HECW1: variants seen among roughly 807,000 people sequenced by gnomAD.
The protein encoded by HECW1 is HECT, C2 and WW domain containing E3 ubiquitin protein ligase 1.
Under a neutral mutation model 182.3 loss-of-function variants are expected in HECW1, and 61 were observed. The ratio of observed to expected loss-of-function variants is 0.33; its 90% CI spans 0.27 to 0.41. The LOEUF (loss-of-function observed/expected upper bound fraction) is 0.41, where lower values mean the gene tolerates loss of function less well. Ranked by LOEUF, HECW1 falls within the 10% of genes least tolerant of loss-of-function variation. The pLI is 1.00. For missense variants in HECW1, 1,739 were observed against 2,108.9 expected, an observed-to-expected ratio of 0.82 and a Z score of 3.44; for synonymous variants, 859 against 832.6, an observed-to-expected ratio of 1.03 and a Z score of -0.55.
chr7:43,265,339 A>G (rs1255377705), intron 3 of HECW1, among the ~76,000 whole-genome samples: 1 of 152,176 alleles, frequency 6.6e-6, no homozygotes, highest in African/African-American at 2.4e-5. Context: ...AATTGGTCCC[A>G]TGGCCCTCCT....
intron 5 of HECW1, among the ~76,000 whole-genome samples, chr7:43,360,660 C>T (rs550728284): frequency 2.6e-5 from 4 of 152,298 alleles, no homozygotes; most frequent in African/African-American, 7.2e-5. Context: ...AAATAATGGA[C>T]TTAACTTGGA....
At chr7:43,452,272 A>G (rs1474910287) in intron 12 of HECW1, among the ~76,000 whole-genome samples, 1 of 152,224 alleles carries the variant, frequency 6.6e-6, no homozygotes, top group East Asian at 1.9e-4. Context: ...TTTCCCCACA[A>G]CAAATAACCT....
chr7:43,147,059 A>G (rs2152639581), intron 2 of HECW1, among the ~76,000 whole-genome samples: 1 of 152,316 alleles, frequency 6.6e-6, no homozygotes, highest in South Asian at 2.1e-4. Context: ...TGGGTAATGG[A>G]AATTTTGTAC....
chr7:43,551,934 C>T (rs1432847334), intron 27 of HECW1, among the ~76,000 whole-genome samples: 1 of 151,668 alleles, frequency 6.6e-6, no homozygotes, highest in Non-Finnish European at 1.5e-5. Flanking sequence ...CTGTCTTGGG[C>T]GTGTTTAATA....
At chr7:43,261,715 C>T (rs1801197895) in intron 3 of HECW1, among the ~76,000 whole-genome samples, 1 of 152,080 alleles carries the variant, frequency 6.6e-6, no homozygotes, top group African/African-American at 2.4e-5. Flanking sequence ...ACTGACAAAG[C>T]GAAAATTCAG....
At position 43,319,008 on chromosome 7, in the gene HECW1, T is replaced by A. The variant is rs190768777; in HGVS notation, c.353-1627T>A. Among the ~76,000 whole-genome samples the A allele has an allele frequency of 2.4e-4, 36 of 152,352 alleles. No homozygotes were observed. In the East Asian group the frequency reaches 6.6e-3, roughly 28 times the overall value. On this transcript the variant is annotated intron_variant, in intron 4 of 29. Coordinates refer to ENST00000395891, the MANE Select transcript of HECW1 (RefSeq NM_015052.5). Reference sequence around the variant, plus strand: ...TAGTCTGCACTGAAAGTGTGGGGTCTGGAACCAAGGAGGTGACAGGCAGCT... The same window carrying A: ...TAGTCTGCACTGAAAGTGTGGGGTCAGGAACCAAGGAGGTGACAGGCAGCT...
chr7:43,400,420 C>T (rs570381613), intron 7 of HECW1, among the ~76,000 whole-genome samples: 159 of 152,192 alleles, frequency 1.0e-3, no homozygotes, highest in African/African-American at 3.6e-3. Flanking sequence ...GGACAAACGC[C>T]GGGACTACAT....
intron 2 of HECW1, among the ~76,000 whole-genome samples, chr7:43,231,125 C>T (rs1797843686): frequency 2.6e-5 from 4 of 152,166 alleles, no homozygotes; most frequent in Non-Finnish European, 4.4e-5. Flanking sequence ...TTCTCATTGA[C>T]AAGTAAGAAA....
chr7:43,119,896 T>C (rs1785415687), intron 2 of HECW1, among the ~76,000 whole-genome samples: 1 of 152,210 alleles, frequency 6.6e-6, no homozygotes, highest in Admixed American at 6.5e-5. Flanking sequence ...CTTTCCTAAC[T>C]GGTTTTCTGT....
intron 4 of HECW1, among the ~76,000 whole-genome samples, chr7:43,315,222 G>T (rs566069349): frequency 6.6e-6 from 1 of 152,146 alleles, no homozygotes; most frequent in East Asian, 1.9e-4. Context: ...TTTACATCAG[G>T]CACCCTATTA....
chr7:43,292,659 G>T (rs1028051538), intron 3 of HECW1, among the ~76,000 whole-genome samples: 10 of 151,956 alleles, frequency 6.6e-5, no homozygotes, highest in African/African-American at 2.4e-4. Flanking sequence ...AGCTAGGAAG[G>T]TGACCTTTGG....
rs1472107409 is a variant in HECW1 at position 43,444,359 on chromosome 7, T to C, written c.1187T>C (p.Leu396Pro). Residue 396 changes from leucine (L) to proline (P), a missense_variant, in exon 11 of 30, where the codon CTG becomes CCG. This residue lies in a region of HECW1 where 971 missense variants were observed against 1,029.1 expected (regional missense o/e 0.94). Coordinates refer to ENST00000395891, the MANE Select transcript of HECW1 (RefSeq NM_015052.5). This position sits in a 1 kb window ranked among gnomAD's most constrained non-coding sequence, Gnocchi z 4.3. ...TCTGAGAGCTGGAAGCCAGAGCAGC[T>C]GGGTGAGGGCAGTGTCCCCGATGGT... ...ESSESWKPEQLGEGSVPDGPG... is the reference protein window; with the variant it reads ...ESSESWKPEQPGEGSVPDGPG... 1 of 1,613,980 alleles carries C rather than the reference T, an allele frequency of 6.2e-7. No individual in the cohort carries two copies. The highest frequency in any genetic ancestry group is 8.5e-7 in the Non-Finnish European group (1 of 1,180,010).
In HECW1 at chr7:43,234,088, G is replaced by A. The variant is rs1382033868; in HGVS notation, c.-31-9787G>A. 1.3e-5 allele frequency among the ~76,000 whole-genome samples: 2 copies of A among 152,298 alleles called. 1 individual carries two copies. The highest frequency in any genetic ancestry group is 4.1e-4 in the South Asian group (2 of 4,826). ...ATACGGGTTGCTAAACAAGCAAAAGGTTATCCACAGACTTTACAAATTACA... is the reference window on the plus strand; with the variant it reads ...ATACGGGTTGCTAAACAAGCAAAAGATTATCCACAGACTTTACAAATTACA... On this transcript the variant is annotated intron_variant, in intron 2 of 29. Transcript: ENST00000395891.
chr7:43,273,754 A>T (rs1002518769), intron 3 of HECW1, among the ~76,000 whole-genome samples: 4 of 152,232 alleles, frequency 2.6e-5, no homozygotes, highest in South Asian at 4.1e-4. Context: ...AATAAGCAAA[A>T]TAAAAAGATA....
intron 2 of HECW1, among the ~76,000 whole-genome samples, chr7:43,241,760 T>C (rs781094328): frequency 9.9e-5 from 15 of 151,920 alleles, no homozygotes; most frequent in Non-Finnish European, 1.9e-4. Context: ...TCCCAGAGAA[T>C]TCTGAGTCAA....
At chr7:43,533,648 C>T (rs541109495) in intron 24 of HECW1, among the ~76,000 whole-genome samples, 9 of 152,314 alleles carry the variant, frequency 5.9e-5, no homozygotes, top group African/African-American at 1.4e-4. Flanking sequence ...TATAGACTAA[C>T]GACTGCGTGC....
intron 2 of HECW1, among the ~76,000 whole-genome samples, chr7:43,144,428 T>G (rs1307484044): frequency 6.6e-6 from 1 of 152,118 alleles, no homozygotes; most frequent in Non-Finnish European, 1.5e-5. Flanking sequence ...GAGTAGGAAG[T>G]CTGTTCTTCC....
chr7:43,250,424 T>TA (rs1312707554), intron 3 of HECW1, among the ~76,000 whole-genome samples: 3 of 152,194 alleles, frequency 2.0e-5, no homozygotes, highest in African/African-American at 4.8e-5. Context: ...AAATGAGAGA[T>TA]ACAGCTGTTA....
intron 6 of HECW1, among the ~76,000 whole-genome samples, chr7:43,392,463 C>T: frequency 6.6e-6 from 1 of 152,222 alleles, no homozygotes; most frequent in Non-Finnish European, 1.5e-5. Flanking sequence ...TCCTGCTTTA[C>T]CTTCCAAATA....
Sources: allele counts gnomAD v4.1 joint callset (sites outside exome capture counted in the v4.1 genomes callset), GRCh38; gene constraint gnomAD v4.1.1; regional missense constraint gnomAD v4.1.1; non-coding constraint Gnocchi (gnomAD v3.1); transcripts MANE v1.5; gene names NCBI Gene and HGNC (gene_info 2026-07-23, HGNC 2026-07-21).